The following MARCHF11 variants were observed in gnomAD, a reference collection of about 807,000 sequenced individuals.
MARCHF11 encodes the protein E3 ubiquitin-protein ligase MARCHF11.
MARCHF11 carries 29 observed loss-of-function variants against 37.3 expected under a neutral mutation model. That is an observed-to-expected ratio of 0.78 (90% confidence interval 0.58 to 1.06). The LOEUF (loss-of-function observed/expected upper bound fraction) is 1.06. Ranked by LOEUF, MARCHF11 falls within the 50% of genes least tolerant of loss-of-function variation. The probability of loss-of-function intolerance (pLI) is 0.00; values close to 1 mark genes in which losing one functional copy is unlikely to be tolerated. For synonymous variants in MARCHF11, 233 were observed against 228.0 expected (o/e 1.02, Z -0.20); for missense variants, 482 against 533.4 (o/e 0.90, Z 0.95).
At chr5:16,083,966 T>C (rs889137971) in intron 3 of MARCHF11, among the ~76,000 whole-genome samples, 3 of 152,204 alleles carry the variant, frequency 2.0e-5, no homozygotes, top group African/African-American at 7.2e-5. Context: ...CAGAGTTTGA[T>C]TATCCTGAAT....
intron 3 of MARCHF11, among the ~76,000 whole-genome samples, chr5:16,074,551 T>C (rs1001055144): frequency 7.2e-5 from 11 of 152,322 alleles, no homozygotes; most frequent in Middle Eastern, 3.4e-3. Context: ...ATAAATGGTA[T>C]AGAGCTTTGC....
chr5:16,087,246 G>C (rs984818354), intron 3 of MARCHF11, among the ~76,000 whole-genome samples: 4 of 152,138 alleles, frequency 2.6e-5, no homozygotes, highest in Non-Finnish European at 4.4e-5. Flanking sequence ...AAAAACTCCA[G>C]TAACAAAAAG....
At chr5:16,106,042 A>C (rs1737034231) in intron 2 of MARCHF11, among the ~76,000 whole-genome samples, 2 of 152,202 alleles carry the variant, frequency 1.3e-5, no homozygotes, top group African/African-American at 4.8e-5. Flanking sequence ...TGTGTAGAAG[A>C]GACCATGAGT....
chr5:16,163,633 A>G (rs112929050), intron 2 of MARCHF11, among the ~76,000 whole-genome samples: 2,761 of 152,232 alleles, frequency 0.018, 99 homozygotes, highest in African/African-American at 0.063. Flanking sequence ...TAAATCATGC[A>G]AATAGTAAAT....
At chr5:16,122,640 T>C (rs1014808258) in intron 2 of MARCHF11, among the ~76,000 whole-genome samples, 1 of 152,176 alleles carries the variant, frequency 6.6e-6, no homozygotes, top group African/African-American at 2.4e-5. Flanking sequence ...TGGTTTTCCC[T>C]TCCTCGTCTC....
At chr5:16,167,995 C>G (rs1738198914) in intron 2 of MARCHF11, among the ~76,000 whole-genome samples, 1 of 152,056 alleles carries the variant, frequency 6.6e-6, no homozygotes, top group Non-Finnish European at 1.5e-5. Flanking sequence ...GTAAAATCAT[C>G]TTCCAGACCA....
Position 16,179,779 on chromosome 5 carries a change from C to G in MARCHF11, c.-204G>C, listed in dbSNP as rs1234151796. On this transcript the variant is annotated 5_prime_UTR_variant, in exon 1 of 4. Coordinates refer to ENST00000332432, the MANE Select transcript of MARCHF11 (RefSeq NM_001102562.3). ...CAGGCGCGGCCGTTCGGTGGAGCCG[C>G]CGGCTCGGCTCTGATGGAGGCGGCG... is the stretch of plus-strand genomic sequence containing the variant. 1.2e-5 allele frequency: 3 copies of G among 241,498 alleles called. No individual in the cohort carries two copies. Among genetic ancestry groups the G allele is most frequent in the African/African-American group, 2.4e-5 (1 of 42,480 alleles). 15.0% of individuals were successfully genotyped at this position (241,498 alleles called of 1,614,324 possible).
intron 2 of MARCHF11, among the ~76,000 whole-genome samples, chr5:16,169,922 C>A (rs1027311082): frequency 6.6e-6 from 1 of 152,094 alleles, no homozygotes; most frequent in Non-Finnish European, 1.5e-5. Flanking sequence ...TTCCTTTATA[C>A]CAATCCCTTT....
intron 2 of MARCHF11, among the ~76,000 whole-genome samples, chr5:16,114,894 GATT>G (rs1263439658): frequency 2.6e-5 from 4 of 152,086 alleles, no homozygotes; most frequent in African/African-American, 9.7e-5. Context: ...AATTTACTTT[GATT>G]ATTTGGATGG....
In MARCHF11 at chr5:16,125,651, G is replaced by A. The variant is rs537968758; in HGVS notation, c.694-34570C>T. ...TGTGTGTGTGTGTGTGTGTGTGTGT[G>A]TGTGTGTGTGTGTGTGTGTTCATAT... On this transcript the variant is annotated intron_variant, in intron 2 of 3. Coordinates refer to ENST00000332432, the MANE Select transcript of MARCHF11 (RefSeq NM_001102562.3). 4.1e-5 allele frequency among the ~76,000 whole-genome samples: 6 copies of A among 145,622 alleles called. No homozygotes were observed. The South Asian group carries it at 1.3e-3, about 31-fold the overall frequency.
chr5:16,095,270 T>C (rs1736847036), intron 2 of MARCHF11, among the ~76,000 whole-genome samples: 1 of 152,100 alleles, frequency 6.6e-6, no homozygotes, highest in African/African-American at 2.4e-5. Flanking sequence ...CCGGGGTTCA[T>C]TCCTAATGCA....
intron 2 of MARCHF11, among the ~76,000 whole-genome samples, chr5:16,128,395 CA>C (rs2126582197): frequency 6.6e-6 from 1 of 152,194 alleles, no homozygotes; most frequent in Non-Finnish European, 1.5e-5. Flanking sequence ...AATGCAGGCA[CA>C]AAAATGTGGC....
chr5:16,096,079 T>C (rs1206850491), intron 2 of MARCHF11, among the ~76,000 whole-genome samples: 1 of 152,184 alleles, frequency 6.6e-6, no homozygotes, highest in East Asian at 1.9e-4. Context: ...CTTTCTAAAA[T>C]GCCCTTCTCT....
chr5:16,158,936 T>A (rs1738028125), intron 2 of MARCHF11, among the ~76,000 whole-genome samples: 1 of 151,886 alleles, frequency 6.6e-6, no homozygotes, highest in South Asian at 2.1e-4. Context: ...TGTATTGCAT[T>A]CTTGAAAATT....
intron 2 of MARCHF11, among the ~76,000 whole-genome samples, chr5:16,096,656 G>A (rs960169670): frequency 1.3e-5 from 2 of 152,164 alleles, no homozygotes; most frequent in South Asian, 2.1e-4. Context: ...GTTTATTACT[G>A]CCTTCAGCGA....
intron 3 of MARCHF11, among the ~76,000 whole-genome samples, chr5:16,073,661 C>T (rs79845586): frequency 0.027 from 4,112 of 150,768 alleles, 172 homozygotes; most frequent in African/African-American, 0.094. Context: ...AAAGATAAAA[C>T]GTAAAGATAT....
At chr5:16,080,410 C>A (rs1039876130) in intron 3 of MARCHF11, among the ~76,000 whole-genome samples, 8 of 152,312 alleles carry the variant, frequency 5.3e-5, no homozygotes, top group African/African-American at 1.7e-4. Context: ...CAAAGCATTT[C>A]TCTGCAGACA....
At chr5:16,101,940 C>A (rs1736965306) in intron 2 of MARCHF11, among the ~76,000 whole-genome samples, 1 of 152,180 alleles carries the variant, frequency 6.6e-6, no homozygotes, top group Non-Finnish European at 1.5e-5. Flanking sequence ...TATGCAGAAT[C>A]TTTTACAAAG....
chr5:16,120,489 C>T lies in MARCHF11; in HGVS notation c.694-29408G>A, dbSNP rs184353509. Among the ~76,000 whole-genome samples, 10 of 152,354 alleles carry T rather than the reference C, an allele frequency of 6.6e-5. No homozygotes were observed. In the East Asian group the frequency reaches 1.9e-3, roughly 29 times the overall value. On this transcript the variant is annotated intron_variant, in intron 2 of 3. Coordinates refer to ENST00000332432, the MANE Select transcript of MARCHF11 (RefSeq NM_001102562.3). ...TCTTCAATTATTAAGTCATATCTTG[C>T]TAAAGCTCTGCTTCACACGCTCAGA...
Sources: allele counts gnomAD v4.1 joint callset (sites outside exome capture counted in the v4.1 genomes callset), GRCh38; gene constraint gnomAD v4.1.1; transcripts MANE v1.5; gene names NCBI Gene and HGNC (gene_info 2026-07-23, HGNC 2026-07-21).